The following RAPH1 variants were observed in gnomAD, a reference collection of about 807,000 sequenced individuals.
The protein encoded by RAPH1 is ras-associated and pleckstrin homology domains-containing protein 1.
Under a neutral mutation model 88.1 loss-of-function variants are expected in RAPH1, and 18 were observed. The observed-to-expected ratio is 0.20, with a 90% confidence interval of 0.14 to 0.30. RAPH1 has a LOEUF of 0.30. Ranked by LOEUF, RAPH1 falls within the 10% of genes least tolerant of loss-of-function variation. The probability of loss-of-function intolerance (pLI) is 1.00; values close to 1 mark genes in which losing one functional copy is unlikely to be tolerated. For synonymous variants in RAPH1, 587 were observed against 559.0 expected (o/e 1.05, Z -0.71); for missense variants, 1,448 against 1,543.2 (o/e 0.94, Z 1.03).
chr2:203,442,233 C>G (rs1581247315), intron 13 of RAPH1: 1 of 689,520 alleles, frequency 1.5e-6, no homozygotes, highest in Admixed American at 3.6e-5. Flanking sequence ...TTGCCAACAA[C>G]CAACCCATCT....
rs1214498616 is a variant in RAPH1, at chr2:203,437,486, CTTAAA to C, written c.*1946_*1950del. ...AACATTACCCAAATTTCTGTGCATGCTTAAATTAACAATGCAGATGTGTTAAAGAT... is the reference window on the plus strand; with the variant it reads ...AACATTACCCAAATTTCTGTGCATGCTTAACAATGCAGATGTGTTAAAGAT... On this transcript the variant is annotated 3_prime_UTR_variant, in exon 14 of 14. Coordinates refer to ENST00000319170, the MANE Select transcript of RAPH1 (RefSeq NM_213589.3). 1 of 152,178 alleles carries C rather than the reference CTTAAA, an allele frequency of 6.6e-6. No homozygotes were observed. The highest frequency in any genetic ancestry group is 1.5e-5 in the Non-Finnish European group (1 of 68,038). The allele number at this position is 152,178 out of a possible 1,614,324, so 9.4% of individuals were successfully genotyped here.
intron 10 of RAPH1, among the ~76,000 whole-genome samples, chr2:203,452,056 T>C (rs1350211802): frequency 6.6e-6 from 1 of 152,156 alleles, no homozygotes; most frequent in Non-Finnish European, 1.5e-5. Context: ...TGAATCAGCC[T>C]GAGAATAAGC....
At chr2:203,454,578 A>G in intron 9 of RAPH1, 38 bp from the exon 10 acceptor site, 1 of 1,447,968 alleles carries the variant, frequency 6.9e-7, no homozygotes. Context: ...ATTAATAATA[A>G]TGCACAAACA....
intron 1 of RAPH1, among the ~76,000 whole-genome samples, chr2:203,504,874 G>C (rs1362570175): frequency 6.6e-6 from 1 of 152,084 alleles, no homozygotes; most frequent in African/African-American, 2.4e-5. Flanking sequence ...TCTAGCGCAG[G>C]GGCAAAATGC....
chr2:203,440,783 G>C lies in RAPH1; in HGVS notation c.2407C>G (p.Pro803Ala). Residue 803 changes from proline (P) to alanine (A), a missense_variant, in exon 14 of 14, where the codon CCA becomes GCA. This residue lies in a region of RAPH1 where 935 missense variants were observed against 890.1 expected (regional missense o/e 1.05). Transcript: ENST00000319170. ...GGCACTGGAGGAGTAGGTGTGGGTGGTGCAGCTTGAGTCACAACAGGTGCC... is the reference window on the plus strand; with the variant it reads ...GGCACTGGAGGAGTAGGTGTGGGTGCTGCAGCTTGAGTCACAACAGGTGCC... ...TVAPVVTQAAPPTPTPPVPPA... is the reference protein window; with the variant it reads ...TVAPVVTQAAAPTPTPPVPPA... The C allele has an allele frequency of 6.2e-7, 1 of 1,610,592 alleles. No individual in the cohort carries two copies. The highest frequency in any genetic ancestry group is 8.5e-7 in the Non-Finnish European group (1 of 1,179,048).
At chr2:203,470,440 CCT>C (rs2098532032) in intron 4 of RAPH1, 3 of 557,472 alleles carry the variant, frequency 5.4e-6, no homozygotes, top group Non-Finnish European at 9.3e-6. Flanking sequence ...ATATCTTTTC[CCT>C]AAGTTGAGTG....
chr2:203,506,800 A>ATATCTATATC (rs1559494423), intron 1 of RAPH1, among the ~76,000 whole-genome samples: 2 of 121,488 alleles, frequency 1.6e-5, no homozygotes, highest in African/African-American at 7.4e-5. Flanking sequence ...ATATCTATAT[A>ATATCTATATC]TATATCTATA....
chr2:203,438,247 G>C lies in RAPH1; in HGVS notation c.*1190C>G, dbSNP rs1487702588. 1 of 503,656 alleles carries C rather than the reference G, an allele frequency of 2.0e-6. No individual in the cohort carries two copies. Among genetic ancestry groups the C allele is most frequent in the Non-Finnish European group, 4.0e-6 (1 of 252,544 alleles). The allele number at this position is 503,656 out of a possible 1,614,324, so 31.2% of individuals were successfully genotyped here. A position where few individuals can be genotyped will look rare whatever the true frequency, so the allele number is the denominator to read the frequency against. On this transcript the variant is annotated 3_prime_UTR_variant, in exon 14 of 14. Coordinates refer to ENST00000319170, the MANE Select transcript of RAPH1 (RefSeq NM_213589.3). ...CTCCATGTAGTCCCATACTTAATGAGCTTTTTGTATTACATATTATAACCC... is the reference window on the plus strand; with the variant it reads ...CTCCATGTAGTCCCATACTTAATGACCTTTTTGTATTACATATTATAACCC...
chr2:203,491,990 T>C (rs568486575), intron 2 of RAPH1, among the ~76,000 whole-genome samples: 1 of 152,248 alleles, frequency 6.6e-6, no homozygotes, highest in Non-Finnish European at 1.5e-5. Context: ...TCCCAGCACT[T>C]TGGCAGGCAG....
Position 203,441,146 on chromosome 2 carries a change from C to A in RAPH1, c.2044G>T (p.Ala682Ser). 1.9e-6 allele frequency: 3 copies of A among 1,612,412 alleles called. No individual in the cohort carries two copies. Among genetic ancestry groups the A allele is most frequent in the Non-Finnish European group, 2.5e-6 (3 of 1,179,624 alleles). The change falls in exon 14 of 14, where the codon GCC becomes TCC. Residue 682 changes from alanine to serine, a missense_variant. Transcript: ENST00000319170. ...RLQNASQHSGALFKPPTPPVM... is the reference protein window; with the variant it reads ...RLQNASQHSGSLFKPPTPPVM... ...GGGGGTGTTGGCGGCTTAAACAGGG[C>A]CCCTGAATGCTGAGACGCATTCTGT...
At chr2:203,506,810 ATC>A (rs375473381) in intron 1 of RAPH1, among the ~76,000 whole-genome samples, 840 of 33,618 alleles carry the variant, frequency 0.025, 19 homozygotes, top group Middle Eastern at 0.039. Flanking sequence ...ATATATCTAT[ATC>A]TATATATCTA....
chr2:203,506,748 ATATATATATC>A lies in RAPH1; in HGVS notation c.1-11405_1-11396del, dbSNP rs1229289329. Among the ~76,000 whole-genome samples the A allele has an allele frequency of 1.6e-5, 2 of 128,734 alleles. 1 individual carries two copies. Among genetic ancestry groups the A allele is most frequent in the African/African-American group, 7.2e-5 (2 of 27,654 alleles). 84.5% of individuals were successfully genotyped at this position (128,734 alleles called of 152,430 possible). ...TCCATATATAGATATATATCTATATATATATATATCTATATATATATCTATATATATCTAG... is the reference window on the plus strand; with the variant it reads ...TCCATATATAGATATATATCTATATATATATATATATCTATATATATCTAG... On this transcript the variant is annotated intron_variant, in intron 1 of 13. Coordinates refer to ENST00000319170, the MANE Select transcript of RAPH1 (RefSeq NM_213589.3).
intron 6 of RAPH1, among the ~76,000 whole-genome samples, chr2:203,460,313 C>T (rs2098523287): frequency 6.6e-6 from 1 of 152,102 alleles, no homozygotes; most frequent in Admixed American, 6.5e-5. Context: ...TTTTCCCATC[C>T]CACCCTTAAA....
At position 203,439,404 on chromosome 2, in the gene RAPH1, T is replaced by C; in HGVS notation, c.*33A>G. On this transcript the variant is annotated 3_prime_UTR_variant, in exon 14 of 14. Transcript: ENST00000319170. ...CAGGTGAGCTGATTGTAGCAGTGAT[T>C]ACAGATATCATGAAAATAAAGTCCT... 1 of 1,595,560 alleles carries C rather than the reference T, an allele frequency of 6.3e-7. No homozygotes were observed. The highest frequency in any genetic ancestry group is 1.3e-5 in the African/African-American group (1 of 74,706).
In RAPH1 at chr2:203,439,922, G is replaced by GGGGGC; in HGVS notation, c.3267_3268insGCCCC (p.Pro1090AlafsTer29). 3 of 1,613,988 alleles carry GGGGGC rather than the reference G, an allele frequency of 1.9e-6. No homozygotes were observed. Among genetic ancestry groups the GGGGGC allele is most frequent in the Non-Finnish European group, 2.5e-6 (3 of 1,180,018 alleles). Reference sequence around the variant, plus strand: ...GAGGTGTTTCCCGAGAAAACTGCTGGAATCTCAATGGGGGGCAGAGGAAGC... The same window carrying GGGGGC: ...GAGGTGTTTCCCGAGAAAACTGCTGGGGGGCAATCTCAATGGGGGGCAGAGGAAGC... On this transcript the variant is annotated frameshift_variant, in exon 14 of 14. Transcript: ENST00000319170. LOFTEE classifies it high-confidence loss of function.
At chr2:203,470,895 T>TA (rs1268798430) in intron 4 of RAPH1, among the ~76,000 whole-genome samples, 3 of 152,108 alleles carry the variant, frequency 2.0e-5, no homozygotes, top group Non-Finnish European at 4.4e-5. Context: ...ATTATCAGAA[T>TA]AAAAATAGGA....
intron 4 of RAPH1, among the ~76,000 whole-genome samples, chr2:203,473,114 A>G (rs545018473): frequency 6.9e-6 from 1 of 145,052 alleles, no homozygotes; most frequent in African/African-American, 2.9e-5. Context: ...AACAACAAAC[A>G]TGTGGAAACC....
chr2:203,493,971 C>CAAAAAAAA (rs397937732), intron 2 of RAPH1, among the ~76,000 whole-genome samples: 115 of 18,618 alleles, frequency 6.2e-3, no homozygotes, highest in Admixed American at 8.5e-3. Context: ...GACTCTATCT[C>CAAAAAAAA]AAAAAAAAAA....
chr2:203,501,931 C>T (rs1463631151), intron 1 of RAPH1, among the ~76,000 whole-genome samples: 3 of 152,084 alleles, frequency 2.0e-5, no homozygotes, highest in African/African-American at 7.2e-5. Context: ...TGGGCTCAAG[C>T]AGTCCTCCTG....
Sources: allele counts gnomAD v4.1 joint callset (sites outside exome capture counted in the v4.1 genomes callset), GRCh38; gene constraint gnomAD v4.1.1; regional missense constraint gnomAD v4.1.1; transcripts MANE v1.5; gene names NCBI Gene and HGNC (gene_info 2026-07-23, HGNC 2026-07-21).